PDPR: variants seen among roughly 807,000 people sequenced by gnomAD.
The protein encoded by PDPR is pyruvate dehydrogenase phosphatase regulatory subunit, mitochondrial.
A neutral mutation model predicts 102.2 loss-of-function variants in PDPR; 50 were observed. That is an observed-to-expected ratio of 0.49 (90% CI 0.39 to 0.62). The LOEUF is 0.62. PDPR is among the 20% of genes least tolerant of loss of function. The pLI is 0.00. For missense variants in PDPR, 625 were observed against 1,098.2 expected, an observed-to-expected ratio of 0.57 and a Z score of 6.09; for synonymous variants, 259 against 406.0, an observed-to-expected ratio of 0.64 and a Z score of 4.35.
chr16:70,122,969 C>A (rs1309530523), intron 3 of PDPR, among the ~76,000 whole-genome samples: 4 of 152,198 alleles, frequency 2.6e-5, no homozygotes, highest in Admixed American at 2.0e-4. Context: ...GACGTGATCT[C>A]GGCTCACTGC....
At chr16:70,153,328 A>G in intron 17 of PDPR, 63 bp from the exon 18 acceptor site, 1 of 1,518,732 alleles carries the variant, frequency 6.6e-7, no homozygotes, top group Non-Finnish European at 8.9e-7. Context: ...CAGCGCTTCC[A>G]GACATGCTCC....
chr16:70,142,015 G>A (rs1223158850), intron 11 of PDPR, among the ~76,000 whole-genome samples: 15 of 152,320 alleles, frequency 9.8e-5, no homozygotes, highest in East Asian at 1.9e-4. Flanking sequence ...CAGGAGAATC[G>A]CTTAAACCCA....
At position 70,139,499 on chromosome 16, in the gene PDPR, T is replaced by C. The variant is rs1965499359; in HGVS notation, c.1315+476T>C. Among the ~76,000 whole-genome samples the C allele has an allele frequency of 2.6e-5, 4 of 152,380 alleles. No individual in the cohort carries two copies. In the South Asian group the frequency reaches 8.3e-4, roughly 32 times the overall value. On this transcript the variant is annotated intron_variant, in intron 11 of 18. Transcript: ENST00000288050. ...CCGAGTTATTCTCAGAGCTTCAGGCTTCCGTGAGTGACTTTCACCATTAAT... is the reference window on the plus strand; with the variant it reads ...CCGAGTTATTCTCAGAGCTTCAGGCCTCCGTGAGTGACTTTCACCATTAAT...
At chr16:70,148,005 C>A (rs1398485888) in intron 16 of PDPR, among the ~76,000 whole-genome samples, 1 of 152,222 alleles carries the variant, frequency 6.6e-6, no homozygotes, top group East Asian at 1.9e-4. Context: ...TTCTGAGAAT[C>A]AGAAGCCCAT....
rs377076391 is a variant in PDPR at position 70,156,710 on chromosome 16, C to T, written c.2471C>T (p.Thr824Met). Residue 824 changes from threonine (T) to methionine (M), a missense_variant, in exon 19 of 19, where the codon ACG becomes ATG. This residue lies in a region of PDPR where 303 missense variants were observed against 258.9 expected (regional missense o/e 1.17). Transcript: ENST00000288050. ...TTTGTGCACAATTTTTCTGAGGACA[C>T]GGGGGAAGAGCAAGTGGTGACAGCA... is the stretch of plus-strand genomic sequence containing the variant. ...LGFVHNFSED[T>M]GEEQVVTADF... is the part of the protein sequence containing the mutation. The T allele has an allele frequency of 1.6e-5, 26 of 1,613,844 alleles. No individual in the cohort carries two copies. Among genetic ancestry groups the T allele is most frequent in the East Asian group, 1.1e-4 (5 of 44,898 alleles).
intron 2 of PDPR, among the ~76,000 whole-genome samples, chr16:70,115,939 G>A (rs1962593687): frequency 6.6e-6 from 1 of 152,062 alleles, no homozygotes; most frequent in Non-Finnish European, 1.5e-5. Flanking sequence ...TATAGGTTTA[G>A]GTTTGGCGGC....
At chr16:70,125,316 C>T (rs560507872) in intron 3 of PDPR, among the ~76,000 whole-genome samples, 39 of 152,282 alleles carry the variant, frequency 2.6e-4, no homozygotes, top group Non-Finnish European at 2.1e-4. Context: ...GTGGAGGTTG[C>T]GGTGAGCCGA....
At position 70,157,364 on chromosome 16, in the gene PDPR, G is replaced by A. The variant is rs547842509; in HGVS notation, c.*485G>A. 1.2e-3 allele frequency: 448 copies of A among 370,930 alleles called. 2 individuals carry two copies. The highest frequency in any genetic ancestry group is 9.0e-3 in the African/African-American group (426 of 47,082). The allele number at this position is 370,930 out of a possible 1,614,324, so 23.0% of individuals were successfully genotyped here. A position where few individuals can be genotyped will look rare whatever the true frequency, so the allele number is the denominator to read the frequency against. ...GAGGGGCAGCTCGTGCCTGCAGCCC[G>A]GCAGCTCGTTCTCCTGTTCTGCTGT... On this transcript the variant is annotated 3_prime_UTR_variant, in exon 19 of 19. Transcript: ENST00000288050.
intron 18 of PDPR, among the ~76,000 whole-genome samples, chr16:70,154,858 C>T (rs962131869): frequency 2.6e-5 from 4 of 152,216 alleles, no homozygotes; most frequent in South Asian, 2.1e-4. Context: ...AGGGTGGTCT[C>T]GAACTCCTGA....
rs983068959 is a variant in PDPR at position 70,157,372 on chromosome 16, G to A, written c.*493G>A. ...GCTCGTGCCTGCAGCCCGGCAGCTC[G>A]TTCTCCTGTTCTGCTGTGCTGTGGG... On this transcript the variant is annotated 3_prime_UTR_variant, in exon 19 of 19. Coordinates refer to ENST00000288050, the MANE Select transcript of PDPR (RefSeq NM_017990.5). The A allele has an allele frequency of 1.0e-4, 37 of 369,010 alleles. No homozygotes were observed. The highest frequency in any genetic ancestry group is 3.6e-4 in the Admixed American group (10 of 27,934). 22.9% of individuals were successfully genotyped at this position (369,010 alleles called of 1,614,324 possible).
At position 70,120,847 on chromosome 16, in the gene PDPR, G is replaced by A. The variant is rs529976015; in HGVS notation, c.227+128G>A. 1.9e-5 allele frequency: 12 copies of A among 643,962 alleles called. No homozygotes were observed. In the East Asian group the frequency reaches 3.1e-4, roughly 17 times the overall value. The allele number at this position is 643,962 out of a possible 1,614,324, so 39.9% of individuals were successfully genotyped here. On this transcript the variant is annotated intron_variant, in intron 3 of 18. Coordinates refer to ENST00000288050, the MANE Select transcript of PDPR (RefSeq NM_017990.5). ...TGCTAAGTAGCATGAGAAGAAGCAA[G>A]GTGGAATCTCCTGAATTTTGTTTAA...
At chr16:70,138,207 ATTTTTT>A (rs1201065640) in intron 10 of PDPR, among the ~76,000 whole-genome samples, 23,777 of 90,128 alleles carry the variant, frequency 0.26, 977 homozygotes, top group East Asian at 0.49. Flanking sequence ...ACGCCGGCTA[ATTTTTT>A]TTTTTTTTTT....
At position 70,156,979 on chromosome 16, in the gene PDPR, C is replaced by A; in HGVS notation, c.*100C>A. 2 of 1,477,110 alleles carry A rather than the reference C, an allele frequency of 1.4e-6. No individual in the cohort carries two copies. Among genetic ancestry groups the A allele is most frequent in the Non-Finnish European group, 1.9e-6 (2 of 1,079,526 alleles). 91.5% of individuals were successfully genotyped at this position (1,477,110 alleles called of 1,614,324 possible). A position where few individuals can be genotyped will look rare whatever the true frequency, so the allele number is the denominator to read the frequency against. On this transcript the variant is annotated 3_prime_UTR_variant, in exon 19 of 19. Coordinates refer to ENST00000288050, the MANE Select transcript of PDPR (RefSeq NM_017990.5). ...TCCGCCTCTGTTCCTCTTCTGGAGC[C>A]TTTGCCTCCCATCTCTTATCTCCTT... is the stretch of plus-strand genomic sequence containing the variant.
At chr16:70,123,045 T>C (rs1409716190) in intron 3 of PDPR, among the ~76,000 whole-genome samples, 40 of 152,106 alleles carry the variant, frequency 2.6e-4, no homozygotes, top group African/African-American at 8.9e-4. Flanking sequence ...GGATTAATAG[T>C]TGCATGCCAC....
Position 70,158,175 on chromosome 16 carries a change from G to A in PDPR, c.*1296G>A, listed in dbSNP as rs373845505. ...ATGTGGGTGCCCAGAAGTGCCCTGC[G>A]CTTTCAGGCAGTGTCTCTGTTTTCC... On this transcript the variant is annotated 3_prime_UTR_variant, in exon 19 of 19. Transcript: ENST00000288050. 7 of 152,598 alleles carry A rather than the reference G, an allele frequency of 4.6e-5. No individual in the cohort carries two copies. Among genetic ancestry groups the A allele is most frequent in the Non-Finnish European group, 8.8e-5 (6 of 68,154 alleles). The allele number at this position is 152,598 out of a possible 1,614,324, so 9.5% of individuals were successfully genotyped here. A position where few individuals can be genotyped will look rare whatever the true frequency, so the allele number is the denominator to read the frequency against.
At chr16:70,125,778 C>T (rs1419890302) in intron 3 of PDPR, among the ~76,000 whole-genome samples, 9 of 152,100 alleles carry the variant, frequency 5.9e-5, no homozygotes, top group Admixed American at 4.6e-4. Flanking sequence ...GGATTACAGA[C>T]GCCTGCCACC....
intron 2 of PDPR, among the ~76,000 whole-genome samples, chr16:70,119,777 G>A (rs1963025153): frequency 7.6e-6 from 1 of 132,162 alleles, no homozygotes; most frequent in Admixed American, 7.6e-5. Context: ...ATTGATTGGT[G>A]TTCTCCTCAT....
At chr16:70,153,658 A>G in intron 18 of PDPR, 85 bp downstream of exon 18, 2 of 1,373,996 alleles carry the variant, frequency 1.5e-6, no homozygotes, top group Non-Finnish European at 2.0e-6. Flanking sequence ...CTGATGTGAC[A>G]GGAAAAGGGG....
At chr16:70,138,207 A>ATTTTTTTTTTTTTTT (rs1201065640) in intron 10 of PDPR, among the ~76,000 whole-genome samples, 65 of 94,016 alleles carry the variant, frequency 6.9e-4, no homozygotes, top group Non-Finnish European at 1.1e-3. Context: ...ACGCCGGCTA[A>ATTTTTTTTTTTTTTT]TTTTTTTTTT....
Sources: gnomAD v4.1 joint callset for allele counts (sites outside exome capture counted in the v4.1 genomes callset) on GRCh38, gnomAD v4.1.1 for gene constraint, gnomAD v4.1.1 regional missense constraint, MANE v1.5 for transcripts, NCBI Gene and HGNC (gene_info 2026-07-23, HGNC 2026-07-21) for gene names.